PXDNL: variants seen among roughly 807,000 people sequenced by gnomAD.
PXDNL encodes probable oxidoreductase PXDNL.
A neutral mutation model predicts 150.8 loss-of-function variants in PXDNL; 145 were observed. The ratio of observed to expected loss-of-function variants is 0.96; its 90% CI spans 0.84 to 1.10. PXDNL has a LOEUF of 1.10. PXDNL is among the 50% of genes least tolerant of loss of function. PXDNL has a pLI of 0.00. For synonymous variants in PXDNL, 757 were observed against 725.7 expected (o/e 1.04, Z -0.69); for missense variants, 2,087 against 1,873.9 (o/e 1.11, Z -2.10).
chr8:51,648,648 T>C (rs1814973521), intron 2 of PXDNL, among the ~76,000 whole-genome samples: 2 of 152,184 alleles, frequency 1.3e-5, no homozygotes, highest in African/African-American at 4.8e-5. Flanking sequence ...CCTAGAAAAT[T>C]AATATAACTT....
At chr8:51,566,646 T>G (rs1206518618) in intron 3 of PXDNL, among the ~76,000 whole-genome samples, 1 of 151,690 alleles carries the variant, frequency 6.6e-6, no homozygotes, top group Non-Finnish European at 1.5e-5. Flanking sequence ...CAATTTTATG[T>G]GTGATATTAG....
chr8:51,360,042 C>CAAAAAAAAAAA (rs1366137848), intron 19 of PXDNL, among the ~76,000 whole-genome samples: 1 of 85,612 alleles, frequency 1.2e-5, no homozygotes, highest in Non-Finnish European at 2.7e-5. Flanking sequence ...AAGAGAAAAG[C>CAAAAAAAAAAA]AAAAAAAAAA....
chr8:51,471,923 T>C (rs1340892207), intron 8 of PXDNL, among the ~76,000 whole-genome samples: 4 of 152,022 alleles, frequency 2.6e-5, no homozygotes, highest in African/African-American at 7.2e-5. Flanking sequence ...CCTGACCTTG[T>C]GTGTGATCCG....
intron 8 of PXDNL, among the ~76,000 whole-genome samples, chr8:51,465,441 C>A (rs780525356): frequency 1.3e-5 from 2 of 152,032 alleles, no homozygotes; most frequent in Non-Finnish European, 2.9e-5. Context: ...AACCCACAGC[C>A]AATATCATAC....
At chr8:51,441,169 C>T (rs1391832751) in intron 12 of PXDNL, among the ~76,000 whole-genome samples, 3 of 152,122 alleles carry the variant, frequency 2.0e-5, no homozygotes, top group Non-Finnish European at 2.9e-5. Flanking sequence ...CCCCTCTGCT[C>T]GGCACTCATT....
chr8:51,559,969 C>A (rs1365497036), intron 3 of PXDNL, among the ~76,000 whole-genome samples: 1 of 151,814 alleles, frequency 6.6e-6, no homozygotes, highest in Non-Finnish European at 1.5e-5. Flanking sequence ...AAATCTGATA[C>A]TAAATTTGAT....
intron 2 of PXDNL, among the ~76,000 whole-genome samples, chr8:51,642,515 C>A (rs940654336): frequency 1.3e-5 from 2 of 151,930 alleles, no homozygotes; most frequent in East Asian, 1.9e-4. Context: ...AAACTGTCAA[C>A]AAATTAGGTA....
intron 17 of PXDNL, among the ~76,000 whole-genome samples, chr8:51,388,801 C>A (rs1807804241): frequency 6.6e-6 from 1 of 152,060 alleles, no homozygotes; most frequent in African/African-American, 2.4e-5. Flanking sequence ...TCAGATTTAT[C>A]TTCCAGTTCA....
intron 5 of PXDNL, among the ~76,000 whole-genome samples, chr8:51,496,250 C>A (rs1315774883): frequency 6.6e-6 from 1 of 152,118 alleles, no homozygotes; most frequent in Admixed American, 6.6e-5. Context: ...TAAAAACTCT[C>A]AATAAATTAG....
At chr8:51,654,636 A>G (rs1815113837) in intron 2 of PXDNL, 53 bp downstream of exon 2, 1 of 1,381,154 alleles carries the variant, frequency 7.2e-7, no homozygotes, top group Non-Finnish European at 1.0e-6. Flanking sequence ...GTAAATTGCC[A>G]TCCAACCAGC....
At chr8:51,643,674 A>G (rs1814830813) in intron 2 of PXDNL, among the ~76,000 whole-genome samples, 1 of 152,220 alleles carries the variant, frequency 6.6e-6, no homozygotes, top group Admixed American at 6.5e-5. Flanking sequence ...AATGGCAACA[A>G]AAGCCAAAAT....
Position 51,732,669 on chromosome 8 carries a change from T to C in PXDNL, c.164+76512A>G, listed in dbSNP as rs188181194. ...AGGAAAGAGGTTTAATGGACTCACA[T>C]TTCCACATAGCTGGGGAGGCCTCAC... On this transcript the variant is annotated intron_variant, in intron 1 of 22. Transcript: ENST00000356297. 2.1e-3 allele frequency among the ~76,000 whole-genome samples: 316 copies of C among 152,270 alleles called. 2 individuals carry two copies. The highest frequency in any genetic ancestry group is 7.2e-3 in the African/African-American group (300 of 41,560).
At chr8:51,605,476 T>A (rs1454477570) in intron 2 of PXDNL, among the ~76,000 whole-genome samples, 1 of 151,882 alleles carries the variant, frequency 6.6e-6, no homozygotes, top group African/African-American at 2.4e-5. Flanking sequence ...ACAGATATAG[T>A]CATTATTAAA....
At chr8:51,452,772 TA>T (rs1809833333) in intron 10 of PXDNL, among the ~76,000 whole-genome samples, 1 of 152,208 alleles carries the variant, frequency 6.6e-6, no homozygotes. Flanking sequence ...ACGGATCATG[TA>T]AATTACCGTA....
chr8:51,563,515 C>T (rs115327048), intron 3 of PXDNL, among the ~76,000 whole-genome samples: 1 of 151,912 alleles, frequency 6.6e-6, no homozygotes, highest in Non-Finnish European at 1.5e-5. Context: ...TGGGAGGATA[C>T]AAACATTCAA....
intron 9 of PXDNL, among the ~76,000 whole-genome samples, chr8:51,456,009 C>T (rs1809930275): frequency 6.6e-6 from 1 of 152,134 alleles, no homozygotes; most frequent in Non-Finnish European, 1.5e-5. Context: ...CTGCAATTTC[C>T]TCCATTCACT....
intron 4 of PXDNL, among the ~76,000 whole-genome samples, chr8:51,548,991 T>G (rs1812422447): frequency 6.6e-6 from 1 of 152,136 alleles, no homozygotes; most frequent in Non-Finnish European, 1.5e-5. Flanking sequence ...AAAAGGGATT[T>G]CATGCAAATG....
intron 18 of PXDNL, 134 bp downstream of exon 18, chr8:51,374,463 C>T: frequency 1.3e-6 from 1 of 787,080 alleles, no homozygotes; most frequent in East Asian, 2.8e-5. Context: ...GTTCTGTCAC[C>T]TAATGCTATC....
At chr8:51,643,661 A>G (rs1053275606) in intron 2 of PXDNL, among the ~76,000 whole-genome samples, 3 of 152,222 alleles carry the variant, frequency 2.0e-5, no homozygotes, top group African/African-American at 7.2e-5. Flanking sequence ...AAACACCAAA[A>G]GCAATGGCAA....
Sources: gnomAD v4.1 joint callset for allele counts (sites outside exome capture counted in the v4.1 genomes callset) on GRCh38, gnomAD v4.1.1 for gene constraint, MANE v1.5 for transcripts, NCBI Gene and HGNC (gene_info 2026-07-23, HGNC 2026-07-21) for gene names.